IQCB1: variants seen among roughly 807,000 people sequenced by gnomAD.
The protein encoded by IQCB1 is IQ calmodulin-binding motif-containing protein 1.
In IQCB1, 56 loss-of-function variants were observed where a neutral mutation model predicts 84.4. The ratio of observed to expected loss-of-function variants is 0.66; its 90% confidence interval spans 0.54 to 0.83. The LOEUF (loss-of-function observed/expected upper bound fraction) is 0.83. Ranked by LOEUF, IQCB1 falls within the 40% of genes least tolerant of loss-of-function variation. The pLI is 0.00. For missense variants in IQCB1, 629 were observed against 682.1 expected, an observed-to-expected ratio of 0.92 and a Z score of 0.87; for synonymous variants, 210 against 234.8, an observed-to-expected ratio of 0.89 and a Z score of 0.96.
chr3:121,771,104 T>C (rs1947964332), intron 14 of IQCB1, among the ~76,000 whole-genome samples: 1 of 152,010 alleles, frequency 6.6e-6, no homozygotes, highest in African/African-American at 2.4e-5. Context: ...CCTGAGTAGC[T>C]GGGATTACAG....
At chr3:121,801,253 A>C (rs2108575760) in intron 7 of IQCB1, among the ~76,000 whole-genome samples, 1 of 152,180 alleles carries the variant, frequency 6.6e-6, no homozygotes, top group East Asian at 1.9e-4. Flanking sequence ...AATCTCTTCC[A>C]GAAGTTAGTT....
rs1385458158 is a variant in IQCB1 at position 121,828,498 on chromosome 3, T to C, written c.235A>G (p.Thr79Ala). ...DYSRIQGGWTTISQLTQILSH... is the reference protein window; with the variant it reads ...DYSRIQGGWTAISQLTQILSH... ...AATATCTGTGTAAGCTGGGAAATTG[T>C]AGTCCAACCACCCTGGATTCGAGAA... The change falls in exon 4 of 15, where the codon ACA (threonine) becomes GCA (alanine). Residue 79 changes from threonine to alanine, a missense_variant. Coordinates refer to ENST00000310864, the MANE Select transcript of IQCB1 (RefSeq NM_001023570.4). The C allele has an allele frequency of 1.2e-6, 2 of 1,613,110 alleles. No individual in the cohort carries two copies. The highest frequency in any genetic ancestry group is 1.7e-6 in the Non-Finnish European group (2 of 1,179,320).
At chr3:121,804,311 A>G (rs564368733) in intron 7 of IQCB1, among the ~76,000 whole-genome samples, 33 of 152,204 alleles carry the variant, frequency 2.2e-4, no homozygotes, top group African/African-American at 7.9e-4. Context: ...TATTATAGAT[A>G]TATTAAAATA....
intron 5 of IQCB1, among the ~76,000 whole-genome samples, chr3:121,824,461 A>G (rs1456656308): frequency 1.3e-5 from 2 of 152,200 alleles, no homozygotes; most frequent in Non-Finnish European, 2.9e-5. Context: ...GAAACCATGA[A>G]AGGTGAAACT....
At chr3:121,816,711 A>G (rs1950074925) in intron 5 of IQCB1, among the ~76,000 whole-genome samples, 1 of 152,202 alleles carries the variant, frequency 6.6e-6, no homozygotes, top group African/African-American at 2.4e-5. Flanking sequence ...AACCACAATG[A>G]GATACCCTCT....
chr3:121,824,599 T>G (rs1950395824), intron 5 of IQCB1, among the ~76,000 whole-genome samples: 1 of 149,390 alleles, frequency 6.7e-6, no homozygotes, highest in African/African-American at 2.5e-5. Context: ...GTGACCTGAG[T>G]CCATGAGTAA....
At chr3:121,793,184 T>C (rs1352561618) in intron 10 of IQCB1, among the ~76,000 whole-genome samples, 2 of 152,104 alleles carry the variant, frequency 1.3e-5, no homozygotes, top group African/African-American at 4.8e-5. Flanking sequence ...ATGATAGAGG[T>C]AGGTAAATTG....
At chr3:121,817,426 A>G (rs1039650533) in intron 5 of IQCB1, among the ~76,000 whole-genome samples, 1 of 84,928 alleles carries the variant, frequency 1.2e-5, no homozygotes, top group South Asian at 2.6e-4. Flanking sequence ...AAAGTATAAT[A>G]AAAAAAAAAG....
intron 7 of IQCB1, among the ~76,000 whole-genome samples, chr3:121,799,640 C>T (rs1054501315): frequency 5.3e-5 from 8 of 151,710 alleles, no homozygotes; most frequent in Non-Finnish European, 1.2e-4. Context: ...CTTAGAGAAG[C>T]CTGCAATCAA....
At chr3:121,804,574 A>G (rs1227116179) in intron 7 of IQCB1, among the ~76,000 whole-genome samples, 1 of 152,126 alleles carries the variant, frequency 6.6e-6, no homozygotes, top group Non-Finnish European at 1.5e-5. Flanking sequence ...CTGATAAGAA[A>G]GTTGCTGTCA....
rs574290389 is a variant in IQCB1, at chr3:121,799,389, T to TA, written c.588-16dup. ...GTAAATCACCACTAATAGAACAAAA[T>TA]AAAAAAAAAAGTACCATTACTAATT... is the stretch of plus-strand genomic sequence containing the variant. On this transcript the variant is annotated splice_polypyrimidine_tract_variant and intron_variant, in intron 7 of 14. Coordinates refer to ENST00000310864, the MANE Select transcript of IQCB1 (RefSeq NM_001023570.4). 4.2e-3 allele frequency: 5,568 copies of TA among 1,322,614 alleles called. No individual in the cohort carries two copies. The highest frequency in any genetic ancestry group is 4.8e-3 in the Non-Finnish European group (4,598 of 959,866). The allele number at this position is 1,322,614 out of a possible 1,614,324, so 81.9% of individuals were successfully genotyped here. A position where few individuals can be genotyped will look rare whatever the true frequency, so the allele number is the denominator to read the frequency against.
At chr3:121,786,170 C>CAAGAAAAAAGAAAAGAAAAGAAAAG in intron 12 of IQCB1, among the ~76,000 whole-genome samples, 10 of 72,846 alleles carry the variant, frequency 1.4e-4, no homozygotes, top group Non-Finnish European at 2.3e-4. Context: ...GATTCTGTCT[C>CAAGAAAAAAGAAAAGAAAAGAAAAG]AAAAGAAAAG....
At chr3:121,793,244 C>T (rs1321037762) in intron 10 of IQCB1, among the ~76,000 whole-genome samples, 1 of 152,168 alleles carries the variant, frequency 6.6e-6, no homozygotes, top group Non-Finnish European at 1.5e-5. Context: ...TTCAGAAAAC[C>T]TTGCTGAATA....
chr3:121,779,998 G>A (rs748679707), intron 13 of IQCB1, among the ~76,000 whole-genome samples: 10 of 152,128 alleles, frequency 6.6e-5, no homozygotes, highest in South Asian at 2.1e-4. Context: ...CAGATGACTC[G>A]ATAATTTGGC....
chr3:121,830,212 A>AATC, intron 2 of IQCB1, among the ~76,000 whole-genome samples: 1 of 150,028 alleles, frequency 6.7e-6, no homozygotes, highest in African/African-American at 2.4e-5. Context: ...TCAAAATAAT[A>AATC]ATAATAATAA....
In IQCB1 at chr3:121,791,260, C is replaced by CTA. The variant is rs1234043428; in HGVS notation, c.987-1047_987-1046dup. 6.6e-5 allele frequency among the ~76,000 whole-genome samples: 10 copies of CTA among 152,194 alleles called. No homozygotes were observed. The East Asian group carries it at 1.9e-3, about 29-fold the overall frequency. On this transcript the variant is annotated intron_variant, in intron 10 of 14. Transcript: ENST00000310864. ...ACTGTAAACAAATGTGGTACCTTGGCTATAGCTTTGTACTCTTAATAGTCA... is the reference window on the plus strand; with the variant it reads ...ACTGTAAACAAATGTGGTACCTTGGCTATATAGCTTTGTACTCTTAATAGTCA...
chr3:121,795,607 T>A, intron 9 of IQCB1, 41 bp from the exon 10 acceptor site: 1 of 1,102,532 alleles, frequency 9.1e-7, no homozygotes, highest in Non-Finnish European at 1.3e-6. Flanking sequence ...TCTAGGAAGG[T>A]CTTTAAAAAA....
At chr3:121,834,805 T>C (rs1410936998) in intron 1 of IQCB1, among the ~76,000 whole-genome samples, 161 bp downstream of exon 1, 8 of 152,170 alleles carry the variant, frequency 5.3e-5, no homozygotes, top group Admixed American at 4.6e-4. Flanking sequence ...AGGCCTCAGT[T>C]TCCACACCAG....
In IQCB1 at chr3:121,770,435, T is replaced by G; in HGVS notation, c.1707A>C (p.Gly569=). The change falls in exon 15 of 15, where the codon GGA becomes GGC. Residue 569 remains glycine, a synonymous_variant. Transcript: ENST00000310864. Reference sequence around the variant, plus strand: ...CATCAATCTCATCTCCAGATTCTTCTCCAAGCTTCTTCCACCAGGGTGCTT... The same window carrying G: ...CATCAATCTCATCTCCAGATTCTTCGCCAAGCTTCTTCCACCAGGGTGCTT... ...HIQAPWWKKL[G]EESGDEIDVP... is the part of the protein sequence containing the mutation. 6.2e-7 allele frequency: 1 copy of G among 1,614,222 alleles called. No individual in the cohort carries two copies. Among genetic ancestry groups the G allele is most frequent in the Non-Finnish European group, 8.5e-7 (1 of 1,180,026 alleles).
Sources: gnomAD v4.1 joint callset for allele counts (sites outside exome capture counted in the v4.1 genomes callset) on GRCh38, gnomAD v4.1.1 for gene constraint, MANE v1.5 for transcripts, NCBI Gene and HGNC (gene_info 2026-07-23, HGNC 2026-07-21) for gene names.